The following RBFOX1 variants were observed in gnomAD, a reference collection of about 807,000 sequenced individuals.
The protein encoded by RBFOX1 is RNA binding protein fox-1 homolog 1.
RBFOX1 carries 8 observed loss-of-function variants against 57.7 expected under a neutral mutation model. The observed-to-expected ratio is 0.14, with a 90% CI of 0.08 to 0.25. RBFOX1 has a LOEUF of 0.25. RBFOX1 is among the 10% of genes least tolerant of loss of function. The probability of loss-of-function intolerance (pLI) is 1.00; values close to 1 mark genes in which losing one functional copy is unlikely to be tolerated. For synonymous variants in RBFOX1, 326 were observed against 222.4 expected (o/e 1.47, Z -4.15); for missense variants, 611 against 548.5 (o/e 1.11, Z -1.14).
intron 2 of RBFOX1, among the ~76,000 whole-genome samples, chr16:6,646,007 G>A (rs982192889): frequency 2.0e-5 from 3 of 152,060 alleles, no homozygotes; most frequent in Admixed American, 6.6e-5. Context: ...CGCTGTTCAG[G>A]GTTTCCCGGC....
Position 7,376,919 on chromosome 16 carries a change from T to C in RBFOX1, c.28-141228T>C, listed in dbSNP as rs113275915. ...AGGAGGTACCCAGTGCATAGACCCA[T>C]GTTGTATGAATGACTGGCCTCATAC... On this transcript the variant is annotated intron_variant, in intron 4 of 15. Transcript: ENST00000550418. Among the ~76,000 whole-genome samples the C allele has an allele frequency of 3.8e-3, 574 of 152,214 alleles. 6 individuals are homozygous for C. The highest frequency in any genetic ancestry group is 0.013 in the African/African-American group (547 of 41,528).
In RBFOX1 at chr16:6,747,328, A is replaced by G. The variant is rs577316336; in HGVS notation, c.-16+92678A>G. On this transcript the variant is annotated intron_variant, in intron 3 of 15. Transcript: ENST00000550418. ...AGGCTGAGGCAGGACAATTGCTTGA[A>G]CCTAGGAGGTAGAGATTGTAGTGAG... Among the ~76,000 whole-genome samples, 4 of 151,994 alleles carry G rather than the reference A, an allele frequency of 2.6e-5. No individual in the cohort carries two copies. In the East Asian group the frequency reaches 7.8e-4, roughly 30 times the overall value.
At chr16:7,406,897 A>G (rs930297887) in intron 4 of RBFOX1, among the ~76,000 whole-genome samples, 1 of 152,154 alleles carries the variant, frequency 6.6e-6, no homozygotes, top group Non-Finnish European at 1.5e-5. Context: ...TCCTTGGCTC[A>G]TGGCCCCTTC....
chr16:6,964,221 G>C (rs564845598), intron 3 of RBFOX1, among the ~76,000 whole-genome samples: 1 of 151,934 alleles, frequency 6.6e-6, no homozygotes, highest in Non-Finnish European at 1.5e-5. Flanking sequence ...GTTTCACCTT[G>C]TTGGCCAGGC....
chr16:7,374,807 G>C (rs1281597854), intron 4 of RBFOX1, among the ~76,000 whole-genome samples: 2 of 152,292 alleles, frequency 1.3e-5, no homozygotes. Context: ...CCGCCATGAG[G>C]TTTGGCCACC....
At chr16:7,198,134 T>C (rs769829480) in intron 4 of RBFOX1, among the ~76,000 whole-genome samples, 1 of 148,812 alleles carries the variant, frequency 6.7e-6, no homozygotes, top group Non-Finnish European at 1.5e-5. Context: ...GCCTCCCAAG[T>C]AGCTGGGACT....
rs761996243 is a variant in RBFOX1 at position 6,476,522 on chromosome 16, C to T, written c.-64+159465C>T. On this transcript the variant is annotated intron_variant, in intron 2 of 15. Coordinates refer to ENST00000550418, the MANE Select transcript of RBFOX1 (RefSeq NM_018723.4). ...GTGCAATAGCATTGTATCTAAAAAACGACGTGCATACCTTAATTTAAAAAG... is the reference window on the plus strand; with the variant it reads ...GTGCAATAGCATTGTATCTAAAAAATGACGTGCATACCTTAATTTAAAAAG... Among the ~76,000 whole-genome samples the T allele has an allele frequency of 2.8e-4, 42 of 152,284 alleles. 1 individual carries two copies. Among genetic ancestry groups the T allele is most frequent in the African/African-American group, 8.9e-4 (37 of 41,546 alleles).
chr16:7,024,473 C>T (rs895442013), intron 3 of RBFOX1, among the ~76,000 whole-genome samples: 1 of 152,194 alleles, frequency 6.6e-6, no homozygotes, highest in African/African-American at 2.4e-5. Flanking sequence ...TAGCTTCTCT[C>T]TCATGCACTT....
intron 4 of RBFOX1, among the ~76,000 whole-genome samples, chr16:7,138,884 G>A (rs1360715354): frequency 1.3e-5 from 2 of 152,098 alleles, no homozygotes; most frequent in Admixed American, 6.5e-5. Context: ...TTTAGGCTCA[G>A]TGCAAGCTCC....
At chr16:6,413,560 A>T (rs1490548586) in intron 2 of RBFOX1, among the ~76,000 whole-genome samples, 1 of 152,154 alleles carries the variant, frequency 6.6e-6, no homozygotes, top group Non-Finnish European at 1.5e-5. Flanking sequence ...GTGCTTTTGA[A>T]ATGAGGGTTT....
chr16:5,987,367 C>T (rs375309820), intron 4 of RBFOX1, among the ~76,000 whole-genome samples: 2 of 152,188 alleles, frequency 1.3e-5, no homozygotes, highest in East Asian at 3.8e-4. Flanking sequence ...ATCTTCTGCA[C>T]AGCAAAGGTT....
chr16:7,689,870 T>C (rs973935496), intron 14 of RBFOX1, among the ~76,000 whole-genome samples: 2 of 152,100 alleles, frequency 1.3e-5, no homozygotes, highest in Non-Finnish European at 2.9e-5. Flanking sequence ...AAGTCAACTC[T>C]TAGAAGGCAT....
chr16:7,629,794 G>C (rs553974569), intron 10 of RBFOX1, among the ~76,000 whole-genome samples: 43 of 152,338 alleles, frequency 2.8e-4, no homozygotes, highest in African/African-American at 1.0e-3. Context: ...CTTTAAATCA[G>C]GAGGAGGCAA....
At chr16:5,744,118 A>T (rs949167316) in intron 3 of RBFOX1, among the ~76,000 whole-genome samples, 3 of 152,074 alleles carry the variant, frequency 2.0e-5, no homozygotes, top group African/African-American at 7.2e-5. Context: ...CCATGCCCTG[A>T]AAAGAATCAT....
intron 1 of RBFOX1, among the ~76,000 whole-genome samples, chr16:5,314,831 A>G (rs1241152573): frequency 4.7e-4 from 70 of 150,220 alleles, no homozygotes; most frequent in African/African-American, 5.9e-4. Flanking sequence ...AGATATTGGA[A>G]AAAAAAAAAA....
chr16:6,988,736 T>TTTTGTTTTTG (rs1568245661), intron 3 of RBFOX1, among the ~76,000 whole-genome samples: 2 of 75,304 alleles, frequency 2.7e-5, no homozygotes, highest in African/African-American at 1.7e-4. Context: ...AGCTAATTTT[T>TTTTGTTTTTG]TTTTTTGTTT....
chr16:6,464,638 C>T (rs1456217125), intron 2 of RBFOX1, among the ~76,000 whole-genome samples: 1 of 152,154 alleles, frequency 6.6e-6, no homozygotes, highest in Non-Finnish European at 1.5e-5. Flanking sequence ...AAGATTTAGC[C>T]CTAACATCGC....
chr16:7,506,184 C>CAAAAAAAAAAAAAAAA (rs552568132), intron 4 of RBFOX1, among the ~76,000 whole-genome samples: 1 of 49,942 alleles, frequency 2.0e-5, no homozygotes, highest in Non-Finnish European at 3.4e-5. Context: ...GACTCTGTCT[C>CAAAAAAAAAAAAAAAA]AAAAAAAAAA....
chr16:6,369,683 C>A (rs761687909), intron 2 of RBFOX1, among the ~76,000 whole-genome samples: 5 of 152,148 alleles, frequency 3.3e-5, no homozygotes, highest in Non-Finnish European at 5.9e-5. Flanking sequence ...TAAAGTTTTT[C>A]ACTATCACGC....
Sources: gnomAD v4.1 joint callset for allele counts (sites outside exome capture counted in the v4.1 genomes callset) on GRCh38, gnomAD v4.1.1 for gene constraint, MANE v1.5 for transcripts, NCBI Gene and HGNC (gene_info 2026-07-23, HGNC 2026-07-21) for gene names.